Variants in PIP5K1A observed in about 807,000 individuals in gnomAD.
The protein encoded by PIP5K1A is phosphatidylinositol 4-phosphate 5-kinase type-1 alpha.
A neutral mutation model predicts 72.9 loss-of-function variants in PIP5K1A; 46 were observed. The observed-to-expected ratio is 0.63, with a 90% CI of 0.50 to 0.81. PIP5K1A has a LOEUF of 0.81. PIP5K1A is among the 30% of genes least tolerant of loss of function. The pLI is 0.00. For missense variants in PIP5K1A, 458 were observed against 706.1 expected (o/e 0.65, Z 3.98); for synonymous variants, 228 against 255.1 (o/e 0.89, Z 1.01).
At chr1:151,206,442 TGGGGGTGGGCAAAG>T (rs753055875) in intron 1 of PIP5K1A, among the ~76,000 whole-genome samples, 7 of 152,130 alleles carry the variant, frequency 4.6e-5, no homozygotes, top group Non-Finnish European at 1.0e-4. Context: ...AGATATTGGT[TGGGGGTGGGCAAAG>T]GGGAGGTGAG....
intron 1 of PIP5K1A, among the ~76,000 whole-genome samples, chr1:151,215,570 G>C (rs966163157): frequency 6.6e-6 from 1 of 151,662 alleles, no homozygotes; most frequent in South Asian, 2.1e-4. Flanking sequence ...CTTGACCTCA[G>C]GTGATCACGC....
At chr1:151,238,102 G>A (rs926456201) in intron 9 of PIP5K1A, 80 bp from the exon 10 acceptor site, 2 of 809,992 alleles carry the variant, frequency 2.5e-6, no homozygotes, top group African/African-American at 1.7e-5. Flanking sequence ...AGGCAGTTAT[G>A]TGTAGGTTTC....
intron 1 of PIP5K1A, among the ~76,000 whole-genome samples, chr1:151,219,851 CTTTTT>C (rs71237867): frequency 2.0e-5 from 2 of 98,696 alleles, no homozygotes; most frequent in African/African-American, 4.1e-5. Context: ...ATATTCTTTC[CTTTTT>C]TTTTTTTTTT....
At chr1:151,228,567 A>G (rs146913196) in intron 4 of PIP5K1A, among the ~76,000 whole-genome samples, 2 of 152,286 alleles carry the variant, frequency 1.3e-5, no homozygotes, top group East Asian at 3.9e-4. Flanking sequence ...AAAAGTGGAA[A>G]TTGGGCTGGT....
intron 4 of PIP5K1A, among the ~76,000 whole-genome samples, chr1:151,229,899 C>T (rs923531026): frequency 1.8e-4 from 28 of 151,356 alleles, no homozygotes; most frequent in African/African-American, 6.3e-4. Flanking sequence ...CTGGCTAACA[C>T]GGTGAAACCC....
rs369523470 is a variant in PIP5K1A, at chr1:151,236,821, C to CTTTTTTTTTTTT, written c.1145+69_1145+80dup. 8.0e-4 allele frequency: 397 copies of CTTTTTTTTTTTT among 498,238 alleles called. 1 individual carries two copies. Among genetic ancestry groups the CTTTTTTTTTTTT allele is most frequent in the African/African-American group, 2.0e-3 (71 of 36,274 alleles). The allele number at this position is 498,238 out of a possible 1,614,324, so 30.9% of individuals were successfully genotyped here. ...CATAGGCCCACAGCACTTTTCTTTT[C>CTTTTTTTTTTTT]TTTTTTTTTTTTTTTTTTTTTTAGT... On this transcript the variant is annotated intron_variant, in intron 9 of 15. Coordinates refer to ENST00000368888, the MANE Select transcript of PIP5K1A (RefSeq NM_001135638.2).
upstream of PIP5K1A, chr1:151,197,949 G>A (rs759090863): frequency 3.0e-5 from 13 of 429,176 alleles, no homozygotes; most frequent in Non-Finnish European, 6.3e-5. Context: ...AAGGGGTTGG[G>A]TCGCGGGAAG....
intron 1 of PIP5K1A, among the ~76,000 whole-genome samples, chr1:151,219,409 T>C (rs1570848884): frequency 7.0e-6 from 1 of 142,876 alleles, no homozygotes; most frequent in Non-Finnish European, 1.5e-5. Flanking sequence ...AGAAGAGGGC[T>C]GGCCCGGTGG....
chr1:151,195,659 G>A (rs1684538098), upstream of PIP5K1A, among the ~76,000 whole-genome samples: 1 of 151,788 alleles, frequency 6.6e-6, no homozygotes, highest in African/African-American at 2.4e-5. Flanking sequence ...GCTGAGGCAG[G>A]AGAATCGCTT....
At chr1:151,197,436 C>A (rs1237273141), upstream of PIP5K1A, among the ~76,000 whole-genome samples, 1 of 152,074 alleles carries the variant, frequency 6.6e-6, no homozygotes, top group Non-Finnish European at 1.5e-5. Flanking sequence ...CCCGCCACCA[C>A]GCCCGGCTAA....
rs1267296932 is a variant in PIP5K1A at position 151,232,683 on chromosome 1, C to T, written c.619C>T (p.Leu207=). The T allele has an allele frequency of 3.7e-6, 6 of 1,613,852 alleles. No individual in the cohort carries two copies. Among genetic ancestry groups the T allele is most frequent in the Non-Finnish European group, 5.1e-6 (6 of 1,179,926 alleles). Reference sequence around the variant, plus strand: ...TAAAGAGGCGGAATTTCTGCAGAAGCTGCTTCCAGGATACTACATGGTAAG... The same window carrying T: ...TAAAGAGGCGGAATTTCTGCAGAAGTTGCTTCCAGGATACTACATGGTAAG... The part of the protein sequence containing the change: ...QHKEAEFLQK[L]LPGYYMNLNQ... Residue 207 remains leucine (L), a synonymous_variant, in exon 7 of 16, where the codon CTG becomes TTG. Coordinates refer to ENST00000368888, the MANE Select transcript of PIP5K1A (RefSeq NM_001135638.2).
intron 1 of PIP5K1A, among the ~76,000 whole-genome samples, chr1:151,201,118 G>A (rs1257489509): frequency 1.3e-5 from 2 of 152,190 alleles, no homozygotes; most frequent in African/African-American, 2.4e-5. Context: ...ATAGGCGTGA[G>A]CCACCGTGCC....
intron 8 of PIP5K1A, among the ~76,000 whole-genome samples, chr1:151,234,874 T>C (rs1690636768): frequency 6.6e-6 from 1 of 152,218 alleles, no homozygotes; most frequent in South Asian, 2.1e-4. Flanking sequence ...AATTATGATA[T>C]CCAACCCCAC....
At chr1:151,209,864 G>A (rs775006234) in intron 1 of PIP5K1A, among the ~76,000 whole-genome samples, 1 of 151,832 alleles carries the variant, frequency 6.6e-6, no homozygotes, top group Non-Finnish European at 1.5e-5. Context: ...GAGTCACCAC[G>A]ACTAGCCTGC....
At chr1:151,215,426 G>A (rs1687455287) in intron 1 of PIP5K1A, among the ~76,000 whole-genome samples, 1 of 151,760 alleles carries the variant, frequency 6.6e-6, no homozygotes, top group East Asian at 1.9e-4. Context: ...TGCCTCCTGG[G>A]TTCAAGCGAT....
Position 151,242,182 on chromosome 1 carries a change from T to G in PIP5K1A, c.1423T>G (p.Ser475Ala). The G allele has an allele frequency of 6.2e-7, 1 of 1,614,016 alleles. No homozygotes were observed. Among genetic ancestry groups the G allele is most frequent in the Non-Finnish European group, 8.5e-7 (1 of 1,179,906 alleles). ...CTCATCTTTCTCTCGGCGAGCAGGC[T>G]CCAGTGGCAACTCCTGCATTACTTA... is the stretch of plus-strand genomic sequence containing the variant. ...SGSSFSRRAG[S>A]SGNSCITYQP... The change falls in exon 13 of 16, where the codon TCC (serine) becomes GCC (alanine). Residue 475 changes from serine (S) to alanine (A), a missense_variant. By Grantham distance (99) the Ser-to-Ala change is moderately conservative (BLOSUM62 1). Transcript: ENST00000368888.
intron 1 of PIP5K1A, among the ~76,000 whole-genome samples, chr1:151,223,482 A>G (rs1382050223): frequency 6.6e-6 from 1 of 151,268 alleles, no homozygotes; most frequent in Non-Finnish European, 1.5e-5. Flanking sequence ...TGTCTCTACT[A>G]AAAATACAAA....
chr1:151,231,918 G>A, intron 5 of PIP5K1A, 117 bp downstream of exon 5: 2 of 932,068 alleles, frequency 2.1e-6, no homozygotes, highest in East Asian at 2.4e-5. Context: ...TCTTAACCTG[G>A]TTACAATCAG....
chr1:151,197,891 T>G (rs114557393), upstream of PIP5K1A: 192 of 350,536 alleles, frequency 5.5e-4, 2 homozygotes, highest in African/African-American at 3.7e-3. Context: ...AATTTTTCTG[T>G]GTATCTCCAT....
Sources: allele counts gnomAD v4.1 joint callset (sites outside exome capture counted in the v4.1 genomes callset), GRCh38; gene constraint gnomAD v4.1.1; transcripts MANE v1.5; gene names NCBI Gene and HGNC (gene_info 2026-07-23, HGNC 2026-07-21).